CLSTN2: variants seen among roughly 807,000 people sequenced by gnomAD.
CLSTN2 encodes the protein calsyntenin 2.
CLSTN2 carries 48 observed loss-of-function variants against 101.2 expected under a neutral mutation model. The ratio of observed to expected loss-of-function variants is 0.47; its 90% CI spans 0.38 to 0.60. The LOEUF is 0.60. CLSTN2 is among the 20% of genes least tolerant of loss of function. The probability of loss-of-function intolerance (pLI) is 0.00; values close to 1 mark genes in which losing one functional copy is unlikely to be tolerated. For missense variants in CLSTN2, 1,160 were observed against 1,238.2 expected (o/e 0.94, Z 0.95); for synonymous variants, 481 against 463.6 (o/e 1.04, Z -0.48).
intron 1 of CLSTN2, among the ~76,000 whole-genome samples, chr3:140,084,975 G>A (rs2008657280): frequency 6.6e-6 from 1 of 152,232 alleles, no homozygotes. Flanking sequence ...CCCACAGCAT[G>A]TGCAATCCAT....
chr3:140,498,318 C>A (rs1026114491), intron 8 of CLSTN2, among the ~76,000 whole-genome samples: 1 of 152,164 alleles, frequency 6.6e-6, no homozygotes, highest in Admixed American at 6.5e-5. Flanking sequence ...ATGAATTCTG[C>A]CACTCTTCAG....
At chr3:140,387,734 A>T (rs115742764) in intron 2 of CLSTN2, among the ~76,000 whole-genome samples, 2,658 of 152,342 alleles carry the variant, frequency 0.017, 83 homozygotes, top group African/African-American at 0.059. Flanking sequence ...ATTAAAAGAT[A>T]TTTAGCACTT....
At chr3:139,975,681 C>T (rs1030030274) in intron 1 of CLSTN2, among the ~76,000 whole-genome samples, 11 of 152,106 alleles carry the variant, frequency 7.2e-5, no homozygotes, top group Admixed American at 5.2e-4. Flanking sequence ...GTGTTCTGGT[C>T]GTATGTATGT....
At position 140,574,048 on chromosome 3, in the gene CLSTN2, G is replaced by A. The variant is rs745772337; in HGVS notation, c.*7795G>A. 3.9e-5 allele frequency: 6 copies of A among 152,228 alleles called. No homozygotes were observed. The highest frequency in any genetic ancestry group is 7.3e-5 in the Non-Finnish European group (5 of 68,050). 9.4% of individuals were successfully genotyped at this position (152,228 alleles called of 1,614,324 possible). A position where few individuals can be genotyped will look rare whatever the true frequency, so the allele number is the denominator to read the frequency against. ...TTAAGGTAAGAAGACTACCGACTTAGCTATTGTGGCACCACGGGAGCCTAG... is the reference window on the plus strand; with the variant it reads ...TTAAGGTAAGAAGACTACCGACTTAACTATTGTGGCACCACGGGAGCCTAG... On this transcript the variant is annotated 3_prime_UTR_variant, in exon 17 of 17. Coordinates refer to ENST00000458420, the MANE Select transcript of CLSTN2 (RefSeq NM_022131.3).
chr3:139,948,726 C>A (rs1358007023), intron 1 of CLSTN2, among the ~76,000 whole-genome samples: 1 of 152,188 alleles, frequency 6.6e-6, no homozygotes, highest in Non-Finnish European at 1.5e-5. Flanking sequence ...TCCAGTTCTA[C>A]ACAGCCCTTG....
At chr3:140,357,630 G>A (rs1053854290) in intron 2 of CLSTN2, among the ~76,000 whole-genome samples, 10 of 152,062 alleles carry the variant, frequency 6.6e-5, no homozygotes, top group African/African-American at 2.2e-4. Flanking sequence ...GGAACACTGA[G>A]CCCAGGCAGA....
At chr3:140,382,735 G>A (rs958644689) in intron 2 of CLSTN2, among the ~76,000 whole-genome samples, 5 of 152,200 alleles carry the variant, frequency 3.3e-5, no homozygotes, top group African/African-American at 4.8e-5. Context: ...GGCATGGTCA[G>A]GCTCTGCTGA....
intron 1 of CLSTN2, among the ~76,000 whole-genome samples, chr3:140,166,283 C>T (rs2010133684): frequency 6.6e-6 from 1 of 152,202 alleles, no homozygotes; most frequent in African/African-American, 2.4e-5. Flanking sequence ...GGTCCAGTAT[C>T]TATCTTGGCC....
intron 1 of CLSTN2, among the ~76,000 whole-genome samples, chr3:140,098,755 T>A (rs2008913234): frequency 1.3e-5 from 2 of 152,230 alleles, no homozygotes; most frequent in South Asian, 4.1e-4. Flanking sequence ...TATCTTATTC[T>A]ATGGGATCTG....
intron 8 of CLSTN2, among the ~76,000 whole-genome samples, chr3:140,489,477 G>T (rs1228985042): frequency 6.6e-6 from 1 of 152,082 alleles, no homozygotes; most frequent in Non-Finnish European, 1.5e-5. Context: ...TAGTGGGAGA[G>T]AAAGGTAATT....
At chr3:140,168,227 G>A (rs2010162516) in intron 1 of CLSTN2, among the ~76,000 whole-genome samples, 1 of 152,112 alleles carries the variant, frequency 6.6e-6, no homozygotes, top group Non-Finnish European at 1.5e-5. Flanking sequence ...TTCAACTGGT[G>A]TTGTGGTGAT....
At chr3:140,091,594 T>C (rs2008781197) in intron 1 of CLSTN2, among the ~76,000 whole-genome samples, 1 of 152,218 alleles carries the variant, frequency 6.6e-6, no homozygotes, top group Non-Finnish European at 1.5e-5. Context: ...TATGAAATCA[T>C]TTTTTGAAAT....
chr3:140,062,898 G>A (rs1257770868), intron 1 of CLSTN2, among the ~76,000 whole-genome samples: 1 of 152,028 alleles, frequency 6.6e-6, no homozygotes, highest in Non-Finnish European at 1.5e-5. Flanking sequence ...CATTATCTCA[G>A]CATAAAGATT....
chr3:140,493,044 A>C (rs886163904), intron 8 of CLSTN2, among the ~76,000 whole-genome samples: 1 of 152,206 alleles, frequency 6.6e-6, no homozygotes, highest in African/African-American at 2.4e-5. Context: ...TCAGACATAG[A>C]TTAATATTTC....
intron 2 of CLSTN2, among the ~76,000 whole-genome samples, chr3:140,185,529 C>A (rs1292842065): frequency 6.6e-6 from 1 of 152,052 alleles, no homozygotes; most frequent in South Asian, 2.1e-4. Flanking sequence ...ATTTCAAGCC[C>A]CATGACCCAG....
chr3:140,063,848 A>C (rs2008253095), intron 1 of CLSTN2, among the ~76,000 whole-genome samples: 1 of 152,140 alleles, frequency 6.6e-6, no homozygotes, highest in African/African-American at 2.4e-5. Flanking sequence ...TAACTACTTC[A>C]TAGGATTAAA....
chr3:140,244,150 G>T (rs915118411), intron 2 of CLSTN2, among the ~76,000 whole-genome samples: 2 of 152,224 alleles, frequency 1.3e-5, no homozygotes, highest in Non-Finnish European at 2.9e-5. Context: ...TGTCAAGCCA[G>T]GGTTATGTAG....
intron 1 of CLSTN2, among the ~76,000 whole-genome samples, chr3:140,066,880 C>T (rs1332556919): frequency 6.6e-6 from 1 of 152,188 alleles, no homozygotes; most frequent in East Asian, 1.9e-4. Context: ...TCTCCCTGGA[C>T]CAGTTGTCTG....
At chr3:139,996,816 G>A (rs547903579) in intron 1 of CLSTN2, among the ~76,000 whole-genome samples, 123 of 152,196 alleles carry the variant, frequency 8.1e-4, no homozygotes, top group African/African-American at 2.4e-3. Flanking sequence ...GGGAGGCCGA[G>A]GTGGGTGGAT....
Sources: gnomAD v4.1 joint callset for allele counts (sites outside exome capture counted in the v4.1 genomes callset) on GRCh38, gnomAD v4.1.1 for gene constraint, MANE v1.5 for transcripts, NCBI Gene and HGNC (gene_info 2026-07-23, HGNC 2026-07-21) for gene names.